CRISPLD1: variants seen among roughly 807,000 people sequenced by gnomAD.
CRISPLD1 encodes cysteine rich secretory protein LCCL domain containing 1.
Under a neutral mutation model 77.5 loss-of-function variants are expected in CRISPLD1, and 60 were observed. That is an observed-to-expected ratio of 0.77 (90% CI 0.63 to 0.96). The LOEUF (loss-of-function observed/expected upper bound fraction) is 0.96. Among genes scored for constraint, CRISPLD1 ranks in the 40% least tolerant of loss-of-function variants. The pLI is 0.00. For synonymous variants in CRISPLD1, 195 were observed against 200.1 expected, an observed-to-expected ratio of 0.97 and a Z score of 0.22; for missense variants, 623 against 615.8, an observed-to-expected ratio of 1.01 and a Z score of -0.12.
At position 75,019,922 on chromosome 8, in the gene CRISPLD1, A is replaced by T. The variant is rs1587024522; in HGVS notation, c.1171+9A>T. The T allele has an allele frequency of 1.9e-6, 3 of 1,612,372 alleles. No individual in the cohort carries two copies. The highest frequency in any genetic ancestry group is 3.3e-4 in the Middle Eastern group (2 of 6,054). ...AGTCTCTAAAGTAACAGGTTAGCAC[A>T]TTCTTCATCTTATTTTCTTAGTACT... is the stretch of plus-strand genomic sequence containing the variant. On this transcript the variant is annotated intron_variant, in intron 11 of 14. Transcript: ENST00000262207.
chr8:74,992,905 G>GT (rs771210880), intron 2 of CRISPLD1, among the ~76,000 whole-genome samples: 13,408 of 115,118 alleles, frequency 0.12, 964 homozygotes, highest in African/African-American at 0.21. Flanking sequence ...AGAAATTATG[G>GT]TTTTTTTTTT....
chr8:75,029,039 A>G (rs1174696436), intron 13 of CRISPLD1, among the ~76,000 whole-genome samples: 1 of 152,180 alleles, frequency 6.6e-6, no homozygotes, highest in Non-Finnish European at 1.5e-5. Flanking sequence ...ACATTTAAGA[A>G]TGACAAACAG....
rs1313112510 is a variant in CRISPLD1 at position 74,994,088 on chromosome 8, G to A, written c.258+7843G>A. 2.0e-5 allele frequency among the ~76,000 whole-genome samples: 3 copies of A among 152,292 alleles called. No individual in the cohort carries two copies. In the East Asian group the frequency reaches 5.8e-4, roughly 29 times the overall value. ...ACTTACAATTACTCAGGATCATTCT[G>A]GCTTTGTTGAGAACATACTTTAGGC... On this transcript the variant is annotated intron_variant, in intron 2 of 14. Coordinates refer to ENST00000262207, the MANE Select transcript of CRISPLD1 (RefSeq NM_031461.6).
intron 12 of CRISPLD1, among the ~76,000 whole-genome samples, chr8:75,025,313 T>C (rs536514008): frequency 6.6e-6 from 1 of 152,204 alleles, no homozygotes; most frequent in South Asian, 2.1e-4. Flanking sequence ...ATCCCCACAT[T>C]AGAAAGCTTC....
Position 75,008,679 on chromosome 8 carries a change from T to A in CRISPLD1, c.259-3754T>A, listed in dbSNP as rs934085603. ...TCAGCACTTATATTAAAATACTGTA[T>A]GCTATTATTTTAGCAATATTATAGT... is the stretch of plus-strand genomic sequence containing the variant. On this transcript the variant is annotated intron_variant, in intron 2 of 14. Transcript: ENST00000262207. Among the ~76,000 whole-genome samples, 6 of 152,172 alleles carry A rather than the reference T, an allele frequency of 3.9e-5. 1 individual carries two copies. The East Asian group carries it at 9.6e-4, about 24-fold the overall frequency.
chr8:75,032,146 A>G (rs759340418), intron 14 of CRISPLD1, 45 bp from the exon 15 acceptor site: 142 of 1,320,586 alleles, frequency 1.1e-4, no homozygotes, highest in Non-Finnish European at 1.4e-4. Context: ...GATTATGTAT[A>G]GAGATGACAT....
chr8:75,019,352 T>C (rs1189440626), intron 10 of CRISPLD1, among the ~76,000 whole-genome samples: 1 of 152,192 alleles, frequency 6.6e-6, no homozygotes, highest in East Asian at 1.9e-4. Context: ...CCTAATCTTA[T>C]ATTTCAGCTT....
At position 75,034,188 on chromosome 8, in the gene CRISPLD1, A is replaced by G. The variant is rs1304795626; in HGVS notation, c.*1946A>G. On this transcript the variant is annotated 3_prime_UTR_variant, in exon 15 of 15. Transcript: ENST00000262207. ...AGAAAAACCAAACATTCTTGTAAAA[A>G]CATTTAAGAACTTCCATAGTCTTGT... 1 of 152,070 alleles carries G rather than the reference A, an allele frequency of 6.6e-6. No homozygotes were observed. Among genetic ancestry groups the G allele is most frequent in the Non-Finnish European group, 1.5e-5 (1 of 67,950 alleles). 9.4% of individuals were successfully genotyped at this position (152,070 alleles called of 1,614,324 possible). A position where few individuals can be genotyped will look rare whatever the true frequency, so the allele number is the denominator to read the frequency against.
At chr8:74,987,500 G>T (rs1359817848) in intron 2 of CRISPLD1, among the ~76,000 whole-genome samples, 1 of 152,188 alleles carries the variant, frequency 6.6e-6, no homozygotes, top group Non-Finnish European at 1.5e-5. Context: ...CATACTTCAA[G>T]ATCTCAGTAA....
At chr8:74,994,035 C>G (rs1378897791) in intron 2 of CRISPLD1, among the ~76,000 whole-genome samples, 1 of 152,190 alleles carries the variant, frequency 6.6e-6, no homozygotes, top group East Asian at 1.9e-4. Context: ...CCATTTGAGG[C>G]ATTTCGACAT....
intron 12 of CRISPLD1, among the ~76,000 whole-genome samples, chr8:75,020,696 C>A (rs1813119112): frequency 6.6e-6 from 1 of 152,178 alleles, no homozygotes; most frequent in African/African-American, 2.4e-5. Context: ...GGGACAAAAT[C>A]ATTCAGTTCA....
At chr8:74,989,079 C>T (rs1208036650) in intron 2 of CRISPLD1, among the ~76,000 whole-genome samples, 2 of 151,862 alleles carry the variant, frequency 1.3e-5, no homozygotes, top group African/African-American at 2.4e-5. Context: ...AAACATGAAT[C>T]GTAGGCAAGA....
At chr8:74,990,840 A>G (rs1174565849) in intron 2 of CRISPLD1, among the ~76,000 whole-genome samples, 1 of 151,764 alleles carries the variant, frequency 6.6e-6, no homozygotes, top group African/African-American at 2.4e-5. Flanking sequence ...CATATATCAC[A>G]CACACACAAA....
chr8:75,006,897 A>G (rs947307558), intron 2 of CRISPLD1, among the ~76,000 whole-genome samples: 1 of 152,158 alleles, frequency 6.6e-6, no homozygotes, highest in Non-Finnish European at 1.5e-5. Context: ...CATCAAGCAT[A>G]TAATCTCATA....
At chr8:75,004,823 T>C (rs1203576393) in intron 2 of CRISPLD1, among the ~76,000 whole-genome samples, 3 of 152,170 alleles carry the variant, frequency 2.0e-5, no homozygotes, top group Non-Finnish European at 4.4e-5. Flanking sequence ...AATTCCGGTG[T>C]TCCTGATAGC....
At chr8:74,993,009 G>A (rs930298387) in intron 2 of CRISPLD1, among the ~76,000 whole-genome samples, 2 of 149,916 alleles carry the variant, frequency 1.3e-5, no homozygotes, top group African/African-American at 2.5e-5. Flanking sequence ...ATGCTAATCT[G>A]GAATATGCAA....
At chr8:74,998,368 A>G (rs138055316) in intron 2 of CRISPLD1, among the ~76,000 whole-genome samples, 83 of 152,212 alleles carry the variant, frequency 5.5e-4, no homozygotes, top group African/African-American at 1.9e-3. Context: ...GCTTTAAATT[A>G]ACCTGTTTTA....
intron 10 of CRISPLD1, among the ~76,000 whole-genome samples, chr8:75,018,092 A>T (rs548788803): frequency 6.6e-6 from 1 of 152,204 alleles, no homozygotes; most frequent in African/African-American, 2.4e-5. Context: ...TAAGTAAAAC[A>T]GTAAACATTA....
intron 2 of CRISPLD1, among the ~76,000 whole-genome samples, chr8:75,011,011 A>G (rs982567530): frequency 6.7e-6 from 1 of 150,250 alleles, no homozygotes; most frequent in Admixed American, 6.6e-5. Context: ...CTCTTTCCCT[A>G]TTTCCTTTCT....
Sources: gnomAD v4.1 joint callset for allele counts (sites outside exome capture counted in the v4.1 genomes callset) on GRCh38, gnomAD v4.1.1 for gene constraint, MANE v1.5 for transcripts, NCBI Gene and HGNC (gene_info 2026-07-23, HGNC 2026-07-21) for gene names.